NRG1: variants seen among roughly 807,000 people sequenced by gnomAD.
NRG1 encodes the protein pro-neuregulin-1, membrane-bound isoform.
Under a neutral mutation model 63.8 loss-of-function variants are expected in NRG1, and 18 were observed. The observed-to-expected ratio is 0.28, with a 90% CI of 0.19 to 0.42. The LOEUF is 0.42. Among genes scored for constraint, NRG1 ranks in the 10% least tolerant of loss-of-function variants. NRG1 has a pLI of 1.00. For missense variants in NRG1, 762 were observed against 814.7 expected (o/e 0.94, Z 0.79); for synonymous variants, 302 against 301.3 (o/e 1.00, Z -0.02).
intron 1 of NRG1, among the ~76,000 whole-genome samples, chr8:31,766,275 A>G (rs1404416600): frequency 6.6e-6 from 1 of 152,188 alleles, no homozygotes; most frequent in African/African-American, 2.4e-5. Context: ...TACCACGTTA[A>G]AAAAGATCCC....
At chr8:32,550,888 C>A (rs1340120080) in intron 1 of NRG1, among the ~76,000 whole-genome samples, 1 of 152,190 alleles carries the variant, frequency 6.6e-6, no homozygotes, top group East Asian at 1.9e-4. Flanking sequence ...ATATTTGTCT[C>A]TGTTTTCCAC....
intron 5 of NRG1, among the ~76,000 whole-genome samples, chr8:32,627,389 G>C (rs139326584): frequency 2.4e-4 from 36 of 152,328 alleles, no homozygotes; most frequent in African/African-American, 8.4e-4. Context: ...CCTTGATACA[G>C]AGATGGATTT....
At chr8:32,750,732 C>T (rs981537288) in intron 7 of NRG1, among the ~76,000 whole-genome samples, 1 of 116,368 alleles carries the variant, frequency 8.6e-6, no homozygotes, top group Non-Finnish European at 1.7e-5. Context: ...AAAAAAAAAT[C>T]AGGAGTAAAC....
intron 11 of NRG1, chr8:32,763,259 G>A: frequency 6.2e-7 from 1 of 1,613,984 alleles, no homozygotes; most frequent in South Asian, 1.1e-5. Context: ...AAGGCACACA[G>A]ATCCAAATGC....
At chr8:31,649,430 G>GT (rs1314118447) in intron 1 of NRG1, among the ~76,000 whole-genome samples, 19 of 152,288 alleles carry the variant, frequency 1.2e-4, no homozygotes, top group African/African-American at 4.6e-4. Context: ...ACGTGGAGTA[G>GT]TGGTGAGCAG....
At chr8:31,761,926 A>AGGTAGCTTCT (rs1817604965) in intron 1 of NRG1, among the ~76,000 whole-genome samples, 1 of 152,160 alleles carries the variant, frequency 6.6e-6, no homozygotes, top group Admixed American at 6.5e-5. Context: ...CAATAAAATG[A>AGGTAGCTTCT]GGTAGCTTCT....
At chr8:32,358,388 A>C (rs1247132813) in intron 1 of NRG1, among the ~76,000 whole-genome samples, 5 of 148,776 alleles carry the variant, frequency 3.4e-5, no homozygotes, top group African/African-American at 9.7e-5. Context: ...AAAAAAAAAA[A>C]AAACCATGGG....
intron 1 of NRG1, among the ~76,000 whole-genome samples, chr8:32,477,530 TG>T (rs1824681018): frequency 1.3e-5 from 2 of 152,220 alleles, no homozygotes; most frequent in Admixed American, 6.5e-5. Flanking sequence ...TATTAACAAG[TG>T]AGACATTGGG....
chr8:31,753,859 A>G (rs1232916092), intron 1 of NRG1, among the ~76,000 whole-genome samples: 1 of 152,030 alleles, frequency 6.6e-6, no homozygotes, highest in East Asian at 1.9e-4. Context: ...TATTCTTTGG[A>G]TCTAAGTTAC....
At chr8:32,331,719 A>T (rs1273499645) in intron 1 of NRG1, among the ~76,000 whole-genome samples, 2 of 152,196 alleles carry the variant, frequency 1.3e-5, no homozygotes, top group Admixed American at 6.5e-5. Flanking sequence ...TGACTGGGTT[A>T]GGGGGTGGTT....
chr8:32,085,674 T>G (rs1438167328), intron 1 of NRG1, among the ~76,000 whole-genome samples: 1 of 152,246 alleles, frequency 6.6e-6, no homozygotes, highest in Non-Finnish European at 1.5e-5. Context: ...TATGATGGTG[T>G]CTCCAATAGT....
chr8:32,749,286 G>A (rs1002600734), intron 7 of NRG1: 6 of 497,034 alleles, frequency 1.2e-5, no homozygotes, highest in South Asian at 2.8e-5. Flanking sequence ...ATAGTTCAGC[G>A]ACAGAACTTC....
At chr8:32,402,411 T>C (rs542621561) in intron 1 of NRG1, among the ~76,000 whole-genome samples, 1 of 152,158 alleles carries the variant, frequency 6.6e-6, no homozygotes, top group East Asian at 1.9e-4. Context: ...CTAAAAATAT[T>C]AAATGGAAAA....
At chr8:32,096,117 A>G (rs1031317285) in intron 1 of NRG1, among the ~76,000 whole-genome samples, 3 of 152,174 alleles carry the variant, frequency 2.0e-5, no homozygotes, top group African/African-American at 7.2e-5. Flanking sequence ...TGCAAGGGCT[A>G]GGAGGGGTGG....
chr8:32,755,100 A>G (rs1032596925), intron 8 of NRG1, among the ~76,000 whole-genome samples: 3 of 152,206 alleles, frequency 2.0e-5, no homozygotes, highest in African/African-American at 7.2e-5. Flanking sequence ...GATGTAAAAA[A>G]GGAATCTCAG....
Position 31,867,720 on chromosome 8 carries a change from C to T in NRG1, c.37+228289C>T, listed in dbSNP as rs185562276. ...TGAAATCAGCACATTTTTCTGGTTT[C>T]GGTTCTTTTGGGGAAACACTGTTAT... On this transcript the variant is annotated intron_variant, in intron 1 of 10. Coordinates refer to the NRG1 transcript ENST00000519301. 1.2e-3 allele frequency among the ~76,000 whole-genome samples: 172 copies of T among 149,412 alleles called. 1 individual carries two copies. In the Middle Eastern group the frequency reaches 0.014, roughly 12 times the overall value.
chr8:32,672,947 A>T (rs1321846525), intron 5 of NRG1, among the ~76,000 whole-genome samples: 1 of 152,226 alleles, frequency 6.6e-6, no homozygotes, highest in African/African-American at 2.4e-5. Flanking sequence ...TAAGCCACAA[A>T]CAATGAAGTA....
intron 6 of NRG1, among the ~76,000 whole-genome samples, chr8:32,730,717 C>T (rs1191446025): frequency 2.0e-4 from 31 of 152,038 alleles, no homozygotes; most frequent in Admixed American, 2.0e-3. Flanking sequence ...TGGGATGAAC[C>T]AGGTTTTTAG....
intron 1 of NRG1, among the ~76,000 whole-genome samples, chr8:31,767,148 C>T (rs748436898): frequency 1.3e-5 from 2 of 152,050 alleles, no homozygotes; most frequent in African/African-American, 4.8e-5. Flanking sequence ...TCTTCATGAC[C>T]GCCATTGTGA....
Sources: allele counts gnomAD v4.1 joint callset (sites outside exome capture counted in the v4.1 genomes callset), GRCh38; gene constraint gnomAD v4.1.1; transcripts MANE v1.5; gene names NCBI Gene and HGNC (gene_info 2026-07-23, HGNC 2026-07-21).